QRICH1: variants seen among roughly 807,000 people sequenced by gnomAD.
The protein encoded by QRICH1 is glutamine rich 1.
QRICH1 carries 16 observed loss-of-function variants against 87.1 expected under a neutral mutation model. That is an observed-to-expected ratio of 0.18 (90% CI 0.12 to 0.28). The LOEUF is 0.28. QRICH1 is among the 10% of genes least tolerant of loss of function. The probability of loss-of-function intolerance (pLI) is 1.00; values close to 1 mark genes in which losing one functional copy is unlikely to be tolerated. For missense variants in QRICH1, 647 were observed against 951.7 expected (o/e 0.68, Z 4.21); for synonymous variants, 367 against 368.4 (o/e 1.00, Z 0.05).
intron 1 of QRICH1, among the ~76,000 whole-genome samples, chr3:49,088,588 T>C (rs1295473459): frequency 6.7e-6 from 1 of 149,484 alleles, no homozygotes. Context: ...TGGGATTACA[T>C]GCCTGAGCCA....
At chr3:49,033,752 G>C (rs2093256622) in intron 6 of QRICH1, 1 of 152,206 alleles carries the variant, frequency 6.6e-6, no homozygotes, top group Non-Finnish European at 1.5e-5. Flanking sequence ...ACTTTGGAAG[G>C]CCGAGGCGGG....
intron 1 of QRICH1, among the ~76,000 whole-genome samples, chr3:49,091,944 T>C (rs2042283553): frequency 6.6e-6 from 1 of 151,966 alleles, no homozygotes; most frequent in South Asian, 2.1e-4. Flanking sequence ...TGGTGCTGCA[T>C]GCCTGTAATC....
intron 1 of QRICH1, among the ~76,000 whole-genome samples, chr3:49,082,713 G>A (rs1483725265): frequency 6.6e-6 from 1 of 151,618 alleles, no homozygotes; most frequent in East Asian, 1.9e-4. Context: ...GGCTAACACG[G>A]TGAAACCCTG....
chr3:49,090,351 C>T (rs1463122573), intron 1 of QRICH1, among the ~76,000 whole-genome samples: 1 of 151,312 alleles, frequency 6.6e-6, no homozygotes, highest in Admixed American at 6.6e-5. Flanking sequence ...CCCAGCTACT[C>T]GGGAGGCTGA....
intron 2 of QRICH1, among the ~76,000 whole-genome samples, chr3:49,059,660 G>C (rs2093423707): frequency 6.6e-6 from 1 of 151,158 alleles, no homozygotes; most frequent in Non-Finnish European, 1.5e-5. Flanking sequence ...TTGACCTTGT[G>C]ATCCGCTCAC....
intron 1 of QRICH1, among the ~76,000 whole-genome samples, chr3:49,079,233 AAAAAAAAC>A (rs1444727838): frequency 1.3e-5 from 2 of 151,366 alleles, no homozygotes; most frequent in Non-Finnish European, 2.9e-5. Context: ...AACTCTGTCT[AAAAAAAAC>A]AAACAAACAA....
intron 3 of QRICH1, among the ~76,000 whole-genome samples, chr3:49,054,093 A>T (rs1267333186): frequency 6.6e-6 from 1 of 152,152 alleles, no homozygotes. Context: ...ACTTCATGTA[A>T]ATCACTCTAA....
intron 2 of QRICH1, among the ~76,000 whole-genome samples, chr3:49,074,168 T>A (rs2041904120): frequency 6.6e-6 from 1 of 152,218 alleles, no homozygotes; most frequent in Admixed American, 6.6e-5. Context: ...TGAAGATCAC[T>A]GAAATACATC....
chr3:49,046,003 C>T (rs1457012899), intron 5 of QRICH1, among the ~76,000 whole-genome samples: 2 of 151,472 alleles, frequency 1.3e-5, no homozygotes, highest in Non-Finnish European at 2.9e-5. Context: ...GCAACCTCTA[C>T]CTCCCGGGTT....
chr3:49,073,228 G>A (rs1315914435), intron 2 of QRICH1, among the ~76,000 whole-genome samples: 2 of 152,128 alleles, frequency 1.3e-5, no homozygotes, highest in African/African-American at 4.8e-5. Context: ...AACTAGAGGA[G>A]CCTGTTATCT....
intron 2 of QRICH1, 175 bp from the exon 3 acceptor site, chr3:49,058,065 G>T: frequency 8.9e-7 from 1 of 1,129,656 alleles, no homozygotes. Flanking sequence ...GGATTGTCCA[G>T]CAGCACATTA....
intron 2 of QRICH1, among the ~76,000 whole-genome samples, chr3:49,067,302 T>C (rs1162848395): frequency 2.0e-5 from 3 of 152,104 alleles, no homozygotes; most frequent in Non-Finnish European, 4.4e-5. Flanking sequence ...GTGCGGTGGC[T>C]CACGCCTGTA....
intron 1 of QRICH1, among the ~76,000 whole-genome samples, chr3:49,082,739 C>T (rs989578171): frequency 4.6e-5 from 7 of 151,446 alleles, no homozygotes; most frequent in Non-Finnish European, 7.4e-5. Context: ...ACTAAAAATA[C>T]AAAAAATTAC....
chr3:49,065,654 A>C (rs2093463892), intron 2 of QRICH1, among the ~76,000 whole-genome samples: 1 of 151,946 alleles, frequency 6.6e-6, no homozygotes, highest in Non-Finnish European at 1.5e-5. Flanking sequence ...GAACCCTAAA[A>C]GGTGCTTGGA....
intron 1 of QRICH1, among the ~76,000 whole-genome samples, chr3:49,088,242 C>A (rs530714527): frequency 6.7e-6 from 1 of 150,264 alleles, no homozygotes; most frequent in Non-Finnish European, 1.5e-5. Flanking sequence ...CGTGAGCCAC[C>A]GTGCCCGACC....
At chr3:49,044,248 A>G in intron 6 of QRICH1, 142 bp downstream of exon 6, 2 of 681,696 alleles carry the variant, frequency 2.9e-6, no homozygotes, top group South Asian at 3.8e-5. Context: ...CTATCAGGGC[A>G]AGTAGCACAG....
chr3:49,075,016 T>A (rs2041922780), intron 2 of QRICH1, among the ~76,000 whole-genome samples: 1 of 151,864 alleles, frequency 6.6e-6, no homozygotes, highest in Non-Finnish European at 1.5e-5. Context: ...GTTTTTAGTT[T>A]ACAGTACTCG....
chr3:49,060,147 T>C (rs2093426621), intron 2 of QRICH1, among the ~76,000 whole-genome samples: 1 of 150,636 alleles, frequency 6.6e-6, no homozygotes. Context: ...CCTCCCAAAG[T>C]GCTGGGATTA....
At chr3:49,090,375 C>T (rs1183891203) in intron 1 of QRICH1, among the ~76,000 whole-genome samples, 2 of 150,056 alleles carry the variant, frequency 1.3e-5, no homozygotes, top group Non-Finnish European at 2.9e-5. Flanking sequence ...AGGAGAATGG[C>T]GTGAACCCAG....
Sources: gnomAD v4.1 joint callset for allele counts (sites outside exome capture counted in the v4.1 genomes callset) on GRCh38, gnomAD v4.1.1 for gene constraint, MANE v1.5 for transcripts, NCBI Gene and HGNC (gene_info 2026-07-23, HGNC 2026-07-21) for gene names.